Variants in LRMDA observed in about 807,000 individuals in gnomAD.
LRMDA encodes the protein leucine-rich melanocyte differentiation-associated protein.
A neutral mutation model predicts 29.8 loss-of-function variants in LRMDA; 18 were observed. The observed-to-expected ratio is 0.60, with a 90% CI of 0.42 to 0.90. LRMDA has a LOEUF of 0.90. Among genes scored for constraint, LRMDA ranks in the 40% least tolerant of loss-of-function variants. The pLI is 0.00. For synonymous variants in LRMDA, 125 were observed against 109.4 expected (o/e 1.14, Z -0.89); for missense variants, 273 against 273.9 (o/e 1.00, Z 0.02).
At chr10:76,279,084 G>A (rs1184193366) in intron 5 of LRMDA, among the ~76,000 whole-genome samples, 1 of 152,176 alleles carries the variant, frequency 6.6e-6, no homozygotes, top group African/African-American at 2.4e-5. Context: ...AATGGAGTAT[G>A]ATGGAGGACA....
intron 5 of LRMDA, among the ~76,000 whole-genome samples, chr10:76,278,859 A>C (rs1017663227): frequency 2.4e-4 from 36 of 152,214 alleles, no homozygotes; most frequent in African/African-American, 8.7e-4. Context: ...ATTTGGTGCT[A>C]TGATTAGATA....
intron 6 of LRMDA, among the ~76,000 whole-genome samples, chr10:76,398,965 T>A (rs1008281690): frequency 1.4e-4 from 22 of 152,190 alleles, no homozygotes; most frequent in Non-Finnish European, 2.8e-4. Context: ...TTTATGTTAA[T>A]AAAGTAGGTC....
At chr10:75,887,546 T>G (rs1309138673) in intron 2 of LRMDA, among the ~76,000 whole-genome samples, 2 of 150,726 alleles carry the variant, frequency 1.3e-5, no homozygotes, top group African/African-American at 4.9e-5. Flanking sequence ...GTTGCTACCT[T>G]TTTTTTTTGT....
chr10:75,942,626 A>G (rs918711087), intron 2 of LRMDA, among the ~76,000 whole-genome samples: 4 of 152,140 alleles, frequency 2.6e-5, no homozygotes, highest in African/African-American at 7.2e-5. Flanking sequence ...TTAATTGGCA[A>G]CAAGTGAGGT....
intron 5 of LRMDA, among the ~76,000 whole-genome samples, chr10:76,264,108 G>T (rs936060461): frequency 6.6e-6 from 1 of 152,052 alleles, no homozygotes; most frequent in Non-Finnish European, 1.5e-5. Context: ...TTGAAAGGAA[G>T]CAGGTTGAGG....
In LRMDA at chr10:76,363,207, AG is replaced by A. The variant is rs1344042308; in HGVS notation, c.601+38725del. Reference sequence around the variant, plus strand: ...GAGGGAGGGAGGGAGGGAGGGAGGGAGGGAAGGAAGAGAAAGAAAGAAAGAA... The same window carrying A: ...GAGGGAGGGAGGGAGGGAGGGAGGGAGGAAGGAAGAGAAAGAAAGAAAGAA... On this transcript the variant is annotated intron_variant, in intron 6 of 6. Transcript: ENST00000611255. 1.4e-3 allele frequency among the ~76,000 whole-genome samples: 22 copies of A among 15,742 alleles called. 1 individual carries two copies. Among genetic ancestry groups the A allele is most frequent in the African/African-American group, 5.3e-3 (17 of 3,218 alleles). The allele number at this position is 15,742 out of a possible 152,430, so 10.3% of individuals were successfully genotyped here.
At chr10:76,547,053 G>C (rs1291454994) in intron 6 of LRMDA, among the ~76,000 whole-genome samples, 4 of 152,000 alleles carry the variant, frequency 2.6e-5, no homozygotes, top group Non-Finnish European at 5.9e-5. Flanking sequence ...TTGTGGGGAG[G>C]GGGAGCATTA....
chr10:76,155,359 C>CT (rs1850518476), intron 5 of LRMDA, among the ~76,000 whole-genome samples: 1 of 145,936 alleles, frequency 6.9e-6, no homozygotes, highest in Non-Finnish European at 1.5e-5. Flanking sequence ...CCTGAAATCT[C>CT]TGTCACTCTT....
intron 2 of LRMDA, among the ~76,000 whole-genome samples, chr10:75,457,123 G>GA (rs776545165): frequency 4.1e-4 from 62 of 152,330 alleles, no homozygotes; most frequent in Non-Finnish European, 6.6e-4. Flanking sequence ...TAAAGACAGA[G>GA]AACAAAAATG....
chr10:76,412,957 G>A (rs997762927), intron 6 of LRMDA, among the ~76,000 whole-genome samples: 3 of 151,526 alleles, frequency 2.0e-5, no homozygotes, highest in Non-Finnish European at 2.9e-5. Context: ...CTCCTCTCTG[G>A]ATTACAGCTG....
At chr10:76,294,176 A>T (rs532245462) in intron 5 of LRMDA, among the ~76,000 whole-genome samples, 4 of 152,342 alleles carry the variant, frequency 2.6e-5, no homozygotes, top group African/African-American at 9.6e-5. Flanking sequence ...GCCTATGACC[A>T]GAGTGAACTC....
intron 2 of LRMDA, among the ~76,000 whole-genome samples, chr10:75,558,890 C>T (rs1589183267): frequency 7.0e-6 from 1 of 143,368 alleles, no homozygotes; most frequent in African/African-American, 2.5e-5. Flanking sequence ...CATAGTATTC[C>T]ATGGTGTATA....
At chr10:75,923,757 T>A (rs541390908) in intron 2 of LRMDA, among the ~76,000 whole-genome samples, 1 of 152,158 alleles carries the variant, frequency 6.6e-6, no homozygotes, top group African/African-American at 2.4e-5. Context: ...GTCTTAAGAC[T>A]CCTCTGTGTG....
At chr10:76,118,760 T>C (rs1412542938) in intron 5 of LRMDA, among the ~76,000 whole-genome samples, 1 of 152,134 alleles carries the variant, frequency 6.6e-6, no homozygotes, top group Admixed American at 6.5e-5. Context: ...TTATTTATTT[T>C]TGAGACTCTG....
At chr10:76,154,060 G>C (rs1850494811) in intron 5 of LRMDA, among the ~76,000 whole-genome samples, 1 of 152,142 alleles carries the variant, frequency 6.6e-6, no homozygotes, top group African/African-American at 2.4e-5. Flanking sequence ...TTCTTGTATT[G>C]GTCCCTCTTT....
At chr10:76,080,716 A>G (rs1849035680) in intron 5 of LRMDA, among the ~76,000 whole-genome samples, 1 of 152,212 alleles carries the variant, frequency 6.6e-6, no homozygotes, top group Non-Finnish European at 1.5e-5. Flanking sequence ...AAAAGGCTTT[A>G]TGGCTGTTAT....
At chr10:75,514,180 T>C (rs528424374) in intron 2 of LRMDA, among the ~76,000 whole-genome samples, 2,529 of 139,568 alleles carry the variant, frequency 0.018, 31 homozygotes, top group Non-Finnish European at 0.026. Context: ...TTTTTTTTTT[T>C]CCTTTCTTCT....
intron 5 of LRMDA, among the ~76,000 whole-genome samples, chr10:76,156,936 T>C (rs1170115970): frequency 2.0e-5 from 3 of 152,236 alleles, no homozygotes; most frequent in Admixed American, 1.3e-4. Flanking sequence ...GAGAACGTAA[T>C]ACATTTCACT....
intron 2 of LRMDA, among the ~76,000 whole-genome samples, chr10:75,559,709 A>G (rs995336903): frequency 4.0e-5 from 6 of 149,030 alleles, no homozygotes; most frequent in African/African-American, 1.2e-4. Flanking sequence ...TAATTTTTGT[A>G]TAAGGTGTAA....
Sources: allele counts gnomAD v4.1 joint callset (sites outside exome capture counted in the v4.1 genomes callset), GRCh38; gene constraint gnomAD v4.1.1; transcripts MANE v1.5; gene names NCBI Gene and HGNC (gene_info 2026-07-23, HGNC 2026-07-21).